The following STAG1 variants were observed in gnomAD, a reference collection of about 807,000 sequenced individuals.
The protein encoded by STAG1 is STAG1 cohesin complex component, also known as cohesin subunit SA-1.
A neutral mutation model predicts 170.9 loss-of-function variants in STAG1; 26 were observed. That is an observed-to-expected ratio of 0.15 (90% CI 0.11 to 0.21). STAG1 has a LOEUF of 0.21. Among genes scored for constraint, STAG1 ranks in the 10% least tolerant of loss-of-function variants. STAG1 has a pLI of 1.00. For missense variants in STAG1, 964 were observed against 1,509.5 expected (o/e 0.64, Z 5.99); for synonymous variants, 514 against 497.7 (o/e 1.03, Z -0.44).
At chr3:136,569,397 T>A (rs924292471) in intron 4 of STAG1, among the ~76,000 whole-genome samples, 1 of 150,772 alleles carries the variant, frequency 6.6e-6, no homozygotes, top group Non-Finnish European at 1.5e-5. Flanking sequence ...TCTGATAAAA[T>A]TCTGTAGCCA....
At chr3:136,478,201 C>T (rs994557155) in intron 9 of STAG1, among the ~76,000 whole-genome samples, 9 of 152,254 alleles carry the variant, frequency 5.9e-5, no homozygotes, top group Admixed American at 3.9e-4. Flanking sequence ...TAGGCTGAGA[C>T]GGAAGAATCC....
chr3:136,525,571 A>C (rs1934968681), intron 6 of STAG1, among the ~76,000 whole-genome samples: 1 of 152,074 alleles, frequency 6.6e-6, no homozygotes, highest in Admixed American at 6.5e-5. Flanking sequence ...AATTTTTTGA[A>C]GGGTTTTTTC....
At chr3:136,387,868 G>C (rs2086911851) in intron 22 of STAG1, among the ~76,000 whole-genome samples, 1 of 152,120 alleles carries the variant, frequency 6.6e-6, no homozygotes, top group African/African-American at 2.4e-5. Flanking sequence ...CAAAGATGAA[G>C]GAAGCTAAAG....
chr3:136,572,459 G>A (rs1937297327), intron 4 of STAG1, among the ~76,000 whole-genome samples: 1 of 151,786 alleles, frequency 6.6e-6, no homozygotes, highest in Admixed American at 6.6e-5. Flanking sequence ...CAGGTGTGGT[G>A]GTGCACACCT....
At chr3:136,495,689 C>T (rs1444886191) in intron 9 of STAG1, among the ~76,000 whole-genome samples, 1 of 151,484 alleles carries the variant, frequency 6.6e-6, no homozygotes, top group Non-Finnish European at 1.5e-5. Flanking sequence ...AAAATTAGGG[C>T]CGGGCACGGT....
rs541848630 is a variant in STAG1 at position 136,640,401 on chromosome 3, C to T, written c.-83-9420G>A. Among the ~76,000 whole-genome samples, 3 of 149,566 alleles carry T rather than the reference C, an allele frequency of 2.0e-5. No individual in the cohort carries two copies. In the South Asian group the frequency reaches 6.3e-4, roughly 32 times the overall value. The stretch of plus-strand genomic sequence containing the variant: ...TTTTTTTTTTTGAGACGGAGTCTCG[C>T]TCTGTCGCCCAGGCTGGAGTGCAAT... On this transcript the variant is annotated intron_variant, in intron 1 of 33. Transcript: ENST00000383202.
chr3:136,355,894 C>T (rs148682278), intron 28 of STAG1, among the ~76,000 whole-genome samples: 145 of 152,152 alleles, frequency 9.5e-4, no homozygotes, highest in African/African-American at 3.0e-3. Context: ...AGAAATGCAA[C>T]ATACCAAAAC....
chr3:136,670,148 T>A (rs771738689), intron 1 of STAG1, among the ~76,000 whole-genome samples: 2 of 152,212 alleles, frequency 1.3e-5, no homozygotes, highest in Non-Finnish European at 2.9e-5. Context: ...TATAGAATCA[T>A]CCAATATTAG....
intron 10 of STAG1, 91 bp from the exon 11 acceptor site, chr3:136,473,728 A>C: frequency 3.3e-6 from 3 of 901,714 alleles, no homozygotes; most frequent in African/African-American, 1.7e-5. Flanking sequence ...TAGCTTAAAC[A>C]TTTGACTTAC....
intron 21 of STAG1, among the ~76,000 whole-genome samples, chr3:136,411,851 C>A (rs2087632539): frequency 6.6e-6 from 1 of 151,774 alleles, no homozygotes; most frequent in South Asian, 2.1e-4. Flanking sequence ...GAGGCTGAGG[C>A]AGAGAATTGC....
intron 7 of STAG1, among the ~76,000 whole-genome samples, chr3:136,504,492 T>C (rs1933654602): frequency 1.3e-5 from 2 of 152,218 alleles, no homozygotes; most frequent in African/African-American, 2.4e-5. Flanking sequence ...TTGCCAGTAG[T>C]AGTATATTGG....
intron 7 of STAG1, among the ~76,000 whole-genome samples, chr3:136,520,635 T>C (rs2107904189): frequency 6.6e-6 from 1 of 152,258 alleles, no homozygotes; most frequent in East Asian, 1.9e-4. Context: ...TCATGATAAT[T>C]CTAAAAGAAA....
intron 1 of STAG1, among the ~76,000 whole-genome samples, chr3:136,734,256 T>A (rs1387018300): frequency 6.6e-6 from 1 of 152,044 alleles, no homozygotes; most frequent in African/African-American, 2.4e-5. Context: ...CCTGATATAA[T>A]CATGGTCAAC....
chr3:136,673,502 T>C lies in STAG1; in HGVS notation c.-83-42521A>G, dbSNP rs147049965. On this transcript the variant is annotated intron_variant, in intron 1 of 33. Transcript: ENST00000383202. ...TTCATGAAGGTTTAAAAAGTAAATT[T>C]AGTCATGAGAAATGACTGCTTGATG... Among the ~76,000 whole-genome samples the C allele has an allele frequency of 2.2e-3, 331 of 152,304 alleles. 2 individuals carry two copies. Among genetic ancestry groups the C allele is most frequent in the Middle Eastern group, 3.4e-3 (1 of 294 alleles).
intron 7 of STAG1, among the ~76,000 whole-genome samples, chr3:136,512,633 A>G (rs926179438): frequency 1.2e-4 from 18 of 152,158 alleles, no homozygotes; most frequent in Non-Finnish European, 7.3e-5. Flanking sequence ...TAACTCCAAA[A>G]GAGCAGACAG....
intron 12 of STAG1, among the ~76,000 whole-genome samples, chr3:136,465,527 T>A (rs1353754661): frequency 2.5e-5 from 3 of 118,964 alleles, no homozygotes; most frequent in African/African-American, 1.0e-4. Flanking sequence ...GGCCGCCTTC[T>A]AGTCTGTGGG....
chr3:136,538,166 T>C (rs967552206), intron 6 of STAG1, among the ~76,000 whole-genome samples: 1 of 152,194 alleles, frequency 6.6e-6, no homozygotes, highest in African/African-American at 2.4e-5. Flanking sequence ...TATTGTCTTA[T>C]CTGTCCATTA....
chr3:136,636,852 C>A (rs890627757), intron 1 of STAG1, among the ~76,000 whole-genome samples: 5 of 152,186 alleles, frequency 3.3e-5, no homozygotes, highest in African/African-American at 1.2e-4. Context: ...ATCCCAGCAG[C>A]TCAGGGAGCA....
At chr3:136,577,034 T>G (rs1937489969) in intron 4 of STAG1, among the ~76,000 whole-genome samples, 1 of 152,336 alleles carries the variant, frequency 6.6e-6, no homozygotes, top group East Asian at 1.9e-4. Context: ...GGAAAATTAA[T>G]CAAGCTATTG....
Sources: allele counts gnomAD v4.1 joint callset (sites outside exome capture counted in the v4.1 genomes callset), GRCh38; gene constraint gnomAD v4.1.1; transcripts MANE v1.5; gene names NCBI Gene and HGNC (gene_info 2026-07-23, HGNC 2026-07-21).